The following FRMD4B variants were observed in gnomAD, a reference collection of about 807,000 sequenced individuals.
FRMD4B encodes the protein FERM domain-containing protein 4B.
Under a neutral mutation model 141.5 loss-of-function variants are expected in FRMD4B, and 74 were observed. That is an observed-to-expected ratio of 0.52 (90% CI 0.43 to 0.63). The LOEUF (loss-of-function observed/expected upper bound fraction) is 0.63. Among genes scored for constraint, FRMD4B ranks in the 30% least tolerant of loss-of-function variants. The pLI is 0.00. For synonymous variants in FRMD4B, 506 were observed against 467.9 expected, an observed-to-expected ratio of 1.08 and a Z score of -1.05; for missense variants, 1,366 against 1,253.4, an observed-to-expected ratio of 1.09 and a Z score of -1.36.
chr3:69,231,291 T>C (rs78152347), intron 7 of FRMD4B, among the ~76,000 whole-genome samples: 2 of 152,142 alleles, frequency 1.3e-5, no homozygotes, highest in African/African-American at 4.8e-5. Context: ...TGCTGCATCC[T>C]TTTTTTCTCC....
At chr3:69,377,956 G>A (rs974369529) in intron 1 of FRMD4B, among the ~76,000 whole-genome samples, 3 of 149,568 alleles carry the variant, frequency 2.0e-5, no homozygotes, top group Admixed American at 6.7e-5. Context: ...GACTACAGGT[G>A]TGTGCCACCA....
chr3:69,252,271 C>A (rs1240874163), intron 5 of FRMD4B, among the ~76,000 whole-genome samples: 1 of 152,198 alleles, frequency 6.6e-6, no homozygotes, highest in Non-Finnish European at 1.5e-5. Context: ...AAATGAGGAA[C>A]TGAGCAAGAC....
intron 1 of FRMD4B, among the ~76,000 whole-genome samples, chr3:69,456,345 C>T (rs1167164803): frequency 6.6e-6 from 1 of 152,168 alleles, no homozygotes. Flanking sequence ...TAAAAAAATT[C>T]ATATGCCTTT....
intron 1 of FRMD4B, among the ~76,000 whole-genome samples, chr3:69,375,096 C>CT (rs1449428485): frequency 7.0e-6 from 1 of 142,068 alleles, no homozygotes; most frequent in Non-Finnish European, 1.5e-5. Context: ...ACCTACCTAT[C>CT]TATCCTACCT....
At chr3:69,283,953 G>GA (rs2093655402) in intron 5 of FRMD4B, among the ~76,000 whole-genome samples, 1 of 99,284 alleles carries the variant, frequency 1.0e-5, no homozygotes, top group Non-Finnish European at 2.2e-5. Flanking sequence ...CCTCTTAACT[G>GA]AAAAAACAAA....
chr3:69,276,245 A>C (rs1211912926), intron 5 of FRMD4B, among the ~76,000 whole-genome samples: 2 of 152,186 alleles, frequency 1.3e-5, no homozygotes, highest in African/African-American at 4.8e-5. Flanking sequence ...AGATCCCTAC[A>C]GTTGGTAGAG....
chr3:69,345,679 T>A (rs571702454), intron 1 of FRMD4B, among the ~76,000 whole-genome samples: 2 of 152,186 alleles, frequency 1.3e-5, no homozygotes, highest in Non-Finnish European at 2.9e-5. Flanking sequence ...TTGAGCAATA[T>A]TCGCTGTTCT....
intron 2 of FRMD4B, among the ~76,000 whole-genome samples, chr3:69,432,050 A>T (rs1705187915): frequency 6.6e-6 from 1 of 152,212 alleles, no homozygotes; most frequent in Non-Finnish European, 1.5e-5. Context: ...GCAACTGTTC[A>T]AATATTCCAT....
chr3:69,398,045 A>G (rs551917599), intron 2 of FRMD4B, among the ~76,000 whole-genome samples: 2 of 152,312 alleles, frequency 1.3e-5, no homozygotes, highest in African/African-American at 4.8e-5. Flanking sequence ...ATTTTATAAA[A>G]CAAGGTAAAA....
intron 1 of FRMD4B, among the ~76,000 whole-genome samples, chr3:69,342,972 C>T (rs1050814633): frequency 6.6e-6 from 1 of 152,100 alleles, no homozygotes; most frequent in South Asian, 2.1e-4. Flanking sequence ...TTTTTAGAGA[C>T]AGGGTCTCGC....
rs111848228 is a variant in FRMD4B, at chr3:69,455,961, C to G, written c.-128-23200G>C. On this transcript the variant is annotated intron_variant, in intron 1 of 5. Coordinates refer to the FRMD4B transcript ENST00000459638. ...TTTTGTTCTGAGGCTTAAATCAGAA[C>G]CACTTGCCATCAGTTCCATTTTGCT... Among the ~76,000 whole-genome samples the G allele has an allele frequency of 4.7e-4, 71 of 152,256 alleles. 1 individual carries two copies. In the South Asian group the frequency reaches 8.5e-3, roughly 18 times the overall value.
intron 11 of FRMD4B, among the ~76,000 whole-genome samples, chr3:69,203,320 CAAAAAAAAA>C (rs796607832): frequency 0.012 from 1,260 of 107,910 alleles, 58 homozygotes; most frequent in East Asian, 0.091. Flanking sequence ...CAAACTTCAG[CAAAAAAAAA>C]AAAAAAAAAA....
chr3:69,403,659 C>A (rs932730297), intron 2 of FRMD4B, among the ~76,000 whole-genome samples: 7 of 152,140 alleles, frequency 4.6e-5, no homozygotes, highest in African/African-American at 1.7e-4. Flanking sequence ...GTATAGAAAG[C>A]TTAAATATAC....
At chr3:69,252,179 G>C (rs555833220) in intron 5 of FRMD4B, among the ~76,000 whole-genome samples, 1 of 152,282 alleles carries the variant, frequency 6.6e-6, no homozygotes, top group African/African-American at 2.4e-5. Context: ...TCAGCAGACA[G>C]AAAAACCTAC....
intron 1 of FRMD4B, among the ~76,000 whole-genome samples, chr3:69,335,512 C>T (rs1342305888): frequency 6.6e-6 from 1 of 151,802 alleles, no homozygotes; most frequent in Non-Finnish European, 1.5e-5. Flanking sequence ...GCTGGGATTA[C>T]AGGCACGCAC....
chr3:69,172,009 A>G, intron 22 of FRMD4B, 28 bp from the exon 23 acceptor site: 1 of 1,610,012 alleles, frequency 6.2e-7, no homozygotes, highest in African/African-American at 1.3e-5. Flanking sequence ...AAAAGTTACT[A>G]CTTGTGGCCA....
intron 2 of FRMD4B, among the ~76,000 whole-genome samples, chr3:69,395,091 G>C (rs772410066): frequency 6.6e-6 from 1 of 152,030 alleles, no homozygotes; most frequent in Non-Finnish European, 1.5e-5. Flanking sequence ...TAGATGACGG[G>C]TTGATAGGTG....
chr3:69,406,911 ATTTTTT>A (rs67956877), intron 2 of FRMD4B, among the ~76,000 whole-genome samples: 4 of 135,168 alleles, frequency 3.0e-5, no homozygotes, highest in Admixed American at 7.6e-5. Context: ...TTTAATTTTA[ATTTTTT>A]TTTTTTTTTT....
chr3:69,283,071 T>C (rs1013717526), intron 5 of FRMD4B, among the ~76,000 whole-genome samples: 1 of 152,122 alleles, frequency 6.6e-6, no homozygotes, highest in East Asian at 1.9e-4. Flanking sequence ...TGACAAGTCA[T>C]GAAACACTCC....
Sources: allele counts gnomAD v4.1 joint callset (sites outside exome capture counted in the v4.1 genomes callset), GRCh38; gene constraint gnomAD v4.1.1; transcripts MANE v1.5; gene names NCBI Gene and HGNC (gene_info 2026-07-23, HGNC 2026-07-21).